Variants in TAF4B observed in about 807,000 individuals in gnomAD.
TAF4B encodes the protein transcription initiation factor TFIID subunit 4B.
Under a neutral mutation model 86.4 loss-of-function variants are expected in TAF4B, and 38 were observed. That is an observed-to-expected ratio of 0.44 (90% CI 0.34 to 0.58). TAF4B has a LOEUF of 0.58. TAF4B is among the 20% of genes least tolerant of loss of function. The probability of loss-of-function intolerance (pLI) is 0.02; values close to 1 mark genes in which losing one functional copy is unlikely to be tolerated. For synonymous variants in TAF4B, 388 were observed against 391.2 expected (o/e 0.99, Z 0.10); for missense variants, 988 against 1,027.6 (o/e 0.96, Z 0.53).
intron 1 of TAF4B, among the ~76,000 whole-genome samples, chr18:26,263,502 T>A (rs1342279193): frequency 1.3e-5 from 2 of 152,230 alleles, no homozygotes; most frequent in African/African-American, 4.8e-5. Context: ...CCTTGGCCTC[T>A]GTGTTTCTTT....
chr18:26,231,034 CTTTTT>C (rs536863843), intron 1 of TAF4B, among the ~76,000 whole-genome samples: 458 of 66,142 alleles, frequency 6.9e-3, no homozygotes, highest in African/African-American at 0.024. Context: ...TGTTGTTTTG[CTTTTT>C]TTTTTTTTTT....
intron 5 of TAF4B, among the ~76,000 whole-genome samples, chr18:26,278,061 A>G (rs535268029): frequency 6.6e-6 from 1 of 152,218 alleles, no homozygotes; most frequent in African/African-American, 2.4e-5. Flanking sequence ...CCAAGTCTGA[A>G]TAACCACAAT....
chr18:26,277,361 C>T (rs1021168297), intron 5 of TAF4B, among the ~76,000 whole-genome samples: 4 of 152,160 alleles, frequency 2.6e-5, no homozygotes, highest in Admixed American at 6.5e-5. Context: ...GCTAGGATTA[C>T]GGGCATGAGC....
At chr18:26,355,935 AAC>A (rs2057285584) in intron 13 of TAF4B, among the ~76,000 whole-genome samples, 1 of 152,218 alleles carries the variant, frequency 6.6e-6, no homozygotes, top group East Asian at 1.9e-4. Flanking sequence ...TTTGTAAGTA[AAC>A]ACACAGTTTA....
chr18:26,239,264 T>G (rs959463636), intron 1 of TAF4B, among the ~76,000 whole-genome samples: 3 of 152,154 alleles, frequency 2.0e-5, no homozygotes, highest in African/African-American at 7.2e-5. Context: ...GTTTCCTGAC[T>G]TTTTAATGAT....
chr18:26,310,126 C>T (rs986124491), intron 9 of TAF4B, among the ~76,000 whole-genome samples: 4 of 152,096 alleles, frequency 2.6e-5, no homozygotes, highest in Non-Finnish European at 5.9e-5. Flanking sequence ...CCCAGCCATC[C>T]TGTTAATAAT....
rs567210583 is a variant in TAF4B at position 26,267,570 on chromosome 18, G to A, written c.544G>A (p.Ala182Thr). ...GGCAGTGACACCTGTTAAAAAATTG[G>A]CACAAATAGGAACTACTGTGGTAAC... ...KVAVTPVKKL[A>T]QIGTTVVTTV... The change falls in exon 3 of 15, where the codon GCA becomes ACA. Residue 182 changes from alanine to threonine, a missense_variant. Coordinates refer to ENST00000269142, the MANE Select transcript of TAF4B (RefSeq NM_005640.3). 1 of 1,614,092 alleles carries A rather than the reference G, an allele frequency of 6.2e-7. No homozygotes were observed. Among genetic ancestry groups the A allele is most frequent in the South Asian group, 1.1e-5 (1 of 91,064 alleles).
Position 26,384,648 on chromosome 18 carries a change from C to T in TAF4B, c.2422-5197C>T, listed in dbSNP as rs948941429. Among the ~76,000 whole-genome samples, 3 of 152,058 alleles carry T rather than the reference C, an allele frequency of 2.0e-5. No homozygotes were observed. The South Asian group carries it at 6.2e-4, about 32-fold the overall frequency. ...GGAAAAGTTTAACTAGTTTTAACTA[C>T]GGGATGGGAAAAAAGGTCTGGAGCT... is the stretch of plus-strand genomic sequence containing the variant. On this transcript the variant is annotated intron_variant, in intron 14 of 14. Coordinates refer to ENST00000269142, the MANE Select transcript of TAF4B (RefSeq NM_005640.3).
chr18:26,227,291 C>G lies in TAF4B; in HGVS notation c.343+15C>G, dbSNP rs762323538. The stretch of plus-strand genomic sequence containing the variant: ...GCTTCCTCCAGGTATGTTGATAACC[C>G]TTTCCAGCCTTGTCTGTCGGTCCAG... On this transcript the variant is annotated intron_variant, in intron 1 of 14. Transcript: ENST00000269142. 3.7e-6 allele frequency: 6 copies of G among 1,603,338 alleles called. No individual in the cohort carries two copies.
At position 26,390,093 on chromosome 18, in the gene TAF4B, A is replaced by T; in HGVS notation, c.*81A>T. 7.2e-7 allele frequency: 1 copy of T among 1,386,894 alleles called. No homozygotes were observed. Among genetic ancestry groups the T allele is most frequent in the Non-Finnish European group, 9.7e-7 (1 of 1,030,592 alleles). The allele number at this position is 1,386,894 out of a possible 1,614,324, so 85.9% of individuals were successfully genotyped here. On this transcript the variant is annotated 3_prime_UTR_variant, in exon 15 of 15. Coordinates refer to ENST00000269142, the MANE Select transcript of TAF4B (RefSeq NM_005640.3). ...CATTGTTGCACTGTCCTGAAATTTC[A>T]ATTTCTGGAAAATAATCACCAACAT...
intron 7 of TAF4B, among the ~76,000 whole-genome samples, chr18:26,287,620 A>G (rs542681765): frequency 1.3e-5 from 2 of 152,366 alleles, no homozygotes; most frequent in South Asian, 4.1e-4. Context: ...GTTCTTCCCT[A>G]TCTTCTACGA....
intron 10 of TAF4B, among the ~76,000 whole-genome samples, chr18:26,316,313 A>G (rs1200524084): frequency 6.6e-6 from 1 of 152,322 alleles, no homozygotes; most frequent in Middle Eastern, 3.4e-3. Context: ...TTTTAGGTCT[A>G]CTTCACAGGT....
At chr18:26,349,220 T>C (rs1309508909) in intron 13 of TAF4B, among the ~76,000 whole-genome samples, 1 of 152,160 alleles carries the variant, frequency 6.6e-6, no homozygotes, top group Non-Finnish European at 1.5e-5. Context: ...GTGAGCATAG[T>C]ACCCAGTAGT....
chr18:26,254,192 C>T (rs1382709291), intron 1 of TAF4B, among the ~76,000 whole-genome samples: 3 of 151,578 alleles, frequency 2.0e-5, no homozygotes, highest in Admixed American at 2.0e-4. Context: ...CCTCCCAAAG[C>T]GCTGGGATTA....
At chr18:26,238,557 AT>A (rs1052467479) in intron 1 of TAF4B, among the ~76,000 whole-genome samples, 21 of 151,668 alleles carry the variant, frequency 1.4e-4, no homozygotes, top group African/African-American at 4.4e-4. Context: ...TTATTTATTT[AT>A]TTTTTTATAA....
rs76063020 is a variant in TAF4B at position 26,280,690 on chromosome 18, C to T, written c.883-1281C>T. ...CTGCAAAGAGAAGCGAACACTTATACGCTGTTGGTGGGAATGTAAATTAGG... is the reference window on the plus strand; with the variant it reads ...CTGCAAAGAGAAGCGAACACTTATATGCTGTTGGTGGGAATGTAAATTAGG... On this transcript the variant is annotated intron_variant, in intron 5 of 14. Coordinates refer to ENST00000269142, the MANE Select transcript of TAF4B (RefSeq NM_005640.3). Among the ~76,000 whole-genome samples the T allele has an allele frequency of 4.8e-4, 73 of 152,266 alleles. 1 individual carries two copies. In the South Asian group the frequency reaches 0.01, roughly 22 times the overall value.
At chr18:26,348,040 G>T (rs2057214738) in intron 13 of TAF4B, among the ~76,000 whole-genome samples, 1 of 152,154 alleles carries the variant, frequency 6.6e-6, no homozygotes, top group African/African-American at 2.4e-5. Context: ...AGAAACATTG[G>T]ATTTAAACTG....
At chr18:26,357,316 AT>A (rs1191402530) in intron 13 of TAF4B, among the ~76,000 whole-genome samples, 8 of 152,240 alleles carry the variant, frequency 5.3e-5, no homozygotes, top group Non-Finnish European at 2.9e-5. Flanking sequence ...AACTGTCTTT[AT>A]TTTAAAGTGA....
At position 26,338,470 on chromosome 18, in the gene TAF4B, ATTTTTTTT is replaced by A. The variant is rs764826705; in HGVS notation, c.2316+3255_2316+3262del. Among the ~76,000 whole-genome samples the A allele has an allele frequency of 1.2e-3, 83 of 71,208 alleles. 1 individual carries two copies. Among genetic ancestry groups the A allele is most frequent in the African/African-American group, 4.3e-3 (78 of 18,296 alleles). 46.7% of individuals were successfully genotyped at this position (71,208 alleles called of 152,430 possible). ...TCTGTCTCAGAAAAAAAGAACTAGAATTTTTTTTTTTTTTTTTTTTTTTGGGAGACGGA... is the reference window on the plus strand; with the variant it reads ...TCTGTCTCAGAAAAAAAGAACTAGAATTTTTTTTTTTTTTTGGGAGACGGA... On this transcript the variant is annotated intron_variant, in intron 13 of 14. Coordinates refer to ENST00000269142, the MANE Select transcript of TAF4B (RefSeq NM_005640.3).
Sources: allele counts gnomAD v4.1 joint callset (sites outside exome capture counted in the v4.1 genomes callset), GRCh38; gene constraint gnomAD v4.1.1; transcripts MANE v1.5; gene names NCBI Gene and HGNC (gene_info 2026-07-23, HGNC 2026-07-21).